Variants in DTD1 observed in about 807,000 individuals in gnomAD.
The protein encoded by DTD1 is D-aminoacyl-tRNA deacylase 1, also known as D-tyrosyl-tRNA deacylase 1 homolog.
In DTD1, 13 loss-of-function variants were observed where a neutral mutation model predicts 25.6. The ratio of observed to expected loss-of-function variants is 0.51; its 90% confidence interval spans 0.33 to 0.81. The LOEUF (loss-of-function observed/expected upper bound fraction) is 0.81. Ranked by LOEUF, DTD1 falls within the 30% of genes least tolerant of loss-of-function variation. The pLI is 0.02. For synonymous variants in DTD1, 110 were observed against 103.6 expected (o/e 1.06, Z -0.37); for missense variants, 193 against 266.4 (o/e 0.72, Z 1.92).
chr20:18,652,754 G>A (rs1337488969), intron 4 of DTD1, among the ~76,000 whole-genome samples: 1 of 152,126 alleles, frequency 6.6e-6, no homozygotes, highest in Admixed American at 6.5e-5. Context: ...AGTAGCATCC[G>A]AATTTCCATC....
intron 4 of DTD1, among the ~76,000 whole-genome samples, chr20:18,721,139 C>G (rs569149289): frequency 2.0e-5 from 3 of 152,328 alleles, no homozygotes; most frequent in Admixed American, 1.3e-4. Flanking sequence ...GTGGCGCGAA[C>G]AGACTGTCCT....
intron 2 of DTD1, among the ~76,000 whole-genome samples, 153 bp from the exon 3 acceptor site, chr20:18,595,853 A>G (rs1463818275): frequency 2.0e-5 from 3 of 152,154 alleles, no homozygotes; most frequent in Admixed American, 1.3e-4. Flanking sequence ...CACAGGGTGG[A>G]TAAGTGACTT....
intron 4 of DTD1, among the ~76,000 whole-genome samples, chr20:18,660,421 A>G (rs1423736978): frequency 3.9e-5 from 6 of 152,060 alleles, no homozygotes; most frequent in East Asian, 2.0e-4. Context: ...GGGTTTTGCC[A>G]TGTTGCCAAG....
chr20:18,622,245 C>A (rs1239449577), intron 3 of DTD1, among the ~76,000 whole-genome samples: 1 of 152,028 alleles, frequency 6.6e-6, no homozygotes, highest in Non-Finnish European at 1.5e-5. Flanking sequence ...CCCCCGACCC[C>A]CTGAAAGGCC....
intron 4 of DTD1, among the ~76,000 whole-genome samples, chr20:18,677,633 A>C (rs2060981499): frequency 6.6e-6 from 1 of 152,156 alleles, no homozygotes; most frequent in African/African-American, 2.4e-5. Flanking sequence ...TACTTTCCAG[A>C]GTGTCTAGAA....
chr20:18,676,631 T>G (rs1037298669), intron 4 of DTD1, among the ~76,000 whole-genome samples: 2 of 152,202 alleles, frequency 1.3e-5, no homozygotes, highest in Non-Finnish European at 2.9e-5. Context: ...AAGGTTCTGC[T>G]GAGCAGCAAA....
At chr20:18,693,656 TAA>T (rs11484391) in intron 4 of DTD1, among the ~76,000 whole-genome samples, 90 of 143,740 alleles carry the variant, frequency 6.3e-4, no homozygotes, top group African/African-American at 1.8e-3. Flanking sequence ...GACTCCCATC[TAA>T]AAAAAAAAAA....
chr20:18,714,240 A>G (rs1848878006), intron 4 of DTD1, among the ~76,000 whole-genome samples: 1 of 152,166 alleles, frequency 6.6e-6, no homozygotes, highest in African/African-American at 2.4e-5. Context: ...GCTGTACTAG[A>G]TATGTATTTT....
At chr20:18,708,198 TA>T (rs2061135123) in intron 4 of DTD1, among the ~76,000 whole-genome samples, 3 of 25,126 alleles carry the variant, frequency 1.2e-4, no homozygotes, top group Non-Finnish European at 2.6e-4. Context: ...ATATATATTA[TA>T]TATATATTTT....
intron 3 of DTD1, among the ~76,000 whole-genome samples, chr20:18,598,285 A>G (rs1250292130): frequency 6.6e-6 from 1 of 152,078 alleles, no homozygotes; most frequent in South Asian, 2.1e-4. Context: ...AGCTTCATCC[A>G]TGTCCCTGCA....
At chr20:18,686,788 A>C (rs1315105661) in intron 4 of DTD1, among the ~76,000 whole-genome samples, 2 of 151,878 alleles carry the variant, frequency 1.3e-5, no homozygotes, top group Non-Finnish European at 2.9e-5. Context: ...TCTGTTGTCC[A>C]CCGTGTTCTT....
At chr20:18,682,260 C>T (rs2061000985) in intron 4 of DTD1, among the ~76,000 whole-genome samples, 1 of 152,226 alleles carries the variant, frequency 6.6e-6, no homozygotes, top group Non-Finnish European at 1.5e-5. Flanking sequence ...TCAATTCCAT[C>T]AGGCCACTAC....
At chr20:18,633,358 G>T (rs1600333391) in intron 4 of DTD1, among the ~76,000 whole-genome samples, 1 of 152,092 alleles carries the variant, frequency 6.6e-6, no homozygotes, top group African/African-American at 2.4e-5. Context: ...CCTTCTCCAA[G>T]AATCTCTGAC....
rs749098452 is a variant in DTD1, at chr20:18,722,376, A to G, written c.478-21724A>G. Among the ~76,000 whole-genome samples, 3 of 152,246 alleles carry G rather than the reference A, an allele frequency of 2.0e-5. 1 individual carries two copies. The highest frequency in any genetic ancestry group is 4.4e-5 in the Non-Finnish European group (3 of 68,044). ...AGCAGAGATGGCACAGAAAGGGCCAAGTGGAGCAATGCATATGGAATTGGA... is the reference window on the plus strand; with the variant it reads ...AGCAGAGATGGCACAGAAAGGGCCAGGTGGAGCAATGCATATGGAATTGGA... On this transcript the variant is annotated intron_variant, in intron 4 of 5. Transcript: ENST00000377452.
At chr20:18,761,348 T>TTTGGCC in intron 5 of DTD1, among the ~76,000 whole-genome samples, 1 of 152,090 alleles carries the variant, frequency 6.6e-6, no homozygotes, top group Non-Finnish European at 1.5e-5. Context: ...GCTGTTCCTA[T>TTTGGCC]TTGGCCATCT....
chr20:18,666,571 T>G (rs1271211676), intron 4 of DTD1, among the ~76,000 whole-genome samples: 1 of 152,208 alleles, frequency 6.6e-6, no homozygotes, highest in Non-Finnish European at 1.5e-5. Context: ...TTAGACGTCC[T>G]GTATTTTGTT....
chr20:18,695,583 TCCCCTCCCCTCCCCTCCCCTCCCCC>T (rs2061072666), intron 4 of DTD1, among the ~76,000 whole-genome samples: 2 of 2,132 alleles, frequency 9.4e-4, no homozygotes, highest in Non-Finnish European at 1.5e-3. Flanking sequence ...TCCCCTCCCC[TCCCCTCCCCTCCCCTCCCCTCCCCC>T]CTTCCCTTCT....
intron 3 of DTD1, among the ~76,000 whole-genome samples, chr20:18,625,819 G>C (rs771318668): frequency 7.1e-4 from 108 of 152,334 alleles, no homozygotes; most frequent in Non-Finnish European, 1.2e-3. Context: ...ATGCCTCCTT[G>C]GTGGCAGATA....
At chr20:18,628,031 T>C in intron 3 of DTD1, 96 bp from the exon 4 acceptor site, 2 of 1,012,928 alleles carry the variant, frequency 2.0e-6, no homozygotes, top group Non-Finnish European at 3.0e-6. Flanking sequence ...TGAGTATGTC[T>C]TTATTAGCAG....
Sources: allele counts gnomAD v4.1 joint callset (sites outside exome capture counted in the v4.1 genomes callset), GRCh38; gene constraint gnomAD v4.1.1; transcripts MANE v1.5; gene names NCBI Gene and HGNC (gene_info 2026-07-23, HGNC 2026-07-21).